The following ST6GALNAC3 variants were observed in gnomAD, a reference collection of about 807,000 sequenced individuals.
The protein encoded by ST6GALNAC3 is alpha-N-acetylgalactosaminide alpha-2,6-sialyltransferase 3.
ST6GALNAC3 carries 25 observed loss-of-function variants against 32.7 expected under a neutral mutation model. The ratio of observed to expected loss-of-function variants is 0.76; its 90% CI spans 0.56 to 1.07. The LOEUF (loss-of-function observed/expected upper bound fraction) is 1.07. ST6GALNAC3 is among the 50% of genes least tolerant of loss of function. ST6GALNAC3 has a pLI of 0.00. For synonymous variants in ST6GALNAC3, 129 were observed against 133.1 expected, an observed-to-expected ratio of 0.97 and a Z score of 0.21; for missense variants, 355 against 382.4, an observed-to-expected ratio of 0.93 and a Z score of 0.60.
In ST6GALNAC3 at chr1:76,316,470, A is replaced by T. The variant is rs148201915; in HGVS notation, c.213+2471A>T. Among the ~76,000 whole-genome samples, 285 of 152,246 alleles carry T rather than the reference A, an allele frequency of 1.9e-3. 5 individuals are homozygous for T. Among genetic ancestry groups the T allele is most frequent in the Non-Finnish European group, 9.0e-4 (61 of 68,016 alleles). On this transcript the variant is annotated intron_variant, in intron 2 of 4. Coordinates refer to ENST00000328299, the MANE Select transcript of ST6GALNAC3 (RefSeq NM_152996.4). ...ATGGCGATGAAGAAACTGCAAGTAT[A>T]TGTGACCACATGGAAGATAAAGCAA...
intron 3 of ST6GALNAC3, among the ~76,000 whole-genome samples, chr1:76,567,829 G>A (rs935764535): frequency 2.6e-5 from 4 of 152,156 alleles, no homozygotes; most frequent in African/African-American, 9.7e-5. Context: ...GATAAGGGAG[G>A]ACCTGTCTTC....
intron 1 of ST6GALNAC3, among the ~76,000 whole-genome samples, chr1:76,246,995 G>A (rs921347632): frequency 6.6e-6 from 1 of 151,990 alleles, no homozygotes; most frequent in Non-Finnish European, 1.5e-5. Flanking sequence ...TTTGTGTGGG[G>A]GTCTTTTTTG....
At chr1:76,083,938 C>G (rs1890968) in intron 1 of ST6GALNAC3, among the ~76,000 whole-genome samples, 15,445 of 152,056 alleles carry the variant, frequency 0.1, 1,703 homozygotes, top group African/African-American at 0.28. Context: ...TGTGCTTAGA[C>G]CTTTTCCAGT....
chr1:76,524,644 G>C (rs1371411027), intron 3 of ST6GALNAC3, among the ~76,000 whole-genome samples: 1 of 151,512 alleles, frequency 6.6e-6, no homozygotes, highest in African/African-American at 2.4e-5. Flanking sequence ...TCTTTCACAT[G>C]ATGAATAGTA....
At chr1:76,619,465 T>C (rs946893398) in intron 3 of ST6GALNAC3, among the ~76,000 whole-genome samples, 2 of 152,136 alleles carry the variant, frequency 1.3e-5, no homozygotes, top group African/African-American at 4.8e-5. Context: ...TTTATCATCA[T>C]ACATTTTTAA....
At chr1:76,568,788 G>A (rs575140227) in intron 3 of ST6GALNAC3, among the ~76,000 whole-genome samples, 128 of 152,260 alleles carry the variant, frequency 8.4e-4, no homozygotes, top group Non-Finnish European at 1.5e-3. Flanking sequence ...ATGTATCAAA[G>A]CAAAGTCATC....
chr1:76,367,467 A>C (rs1650466103), intron 2 of ST6GALNAC3, among the ~76,000 whole-genome samples: 2 of 152,144 alleles, frequency 1.3e-5, no homozygotes, highest in African/African-American at 4.8e-5. Flanking sequence ...AAGAACAATG[A>C]ATGATAAGTT....
chr1:76,247,389 G>A (rs1310773903), intron 1 of ST6GALNAC3, among the ~76,000 whole-genome samples: 1 of 152,280 alleles, frequency 6.6e-6, no homozygotes, highest in African/African-American at 2.4e-5. Context: ...GCAGGCAGGA[G>A]AGATTAAGTC....
intron 2 of ST6GALNAC3, among the ~76,000 whole-genome samples, chr1:76,353,320 C>T (rs1039588568): frequency 6.6e-6 from 1 of 152,200 alleles, no homozygotes; most frequent in Non-Finnish European, 1.5e-5. Flanking sequence ...TGAGCAGTCT[C>T]AGCTCAGTTG....
chr1:76,463,261 C>G (rs1658405855), intron 3 of ST6GALNAC3, among the ~76,000 whole-genome samples: 1 of 152,116 alleles, frequency 6.6e-6, no homozygotes, highest in Non-Finnish European at 1.5e-5. Flanking sequence ...AGTCCCGCTG[C>G]TTTAGGTAAA....
At chr1:76,438,711 T>C (rs1470376025) in intron 3 of ST6GALNAC3, among the ~76,000 whole-genome samples, 1 of 152,164 alleles carries the variant, frequency 6.6e-6, no homozygotes, top group East Asian at 1.9e-4. Flanking sequence ...ACCTCCTCAG[T>C]ACCTCTCCTC....
At chr1:76,468,681 G>T (rs1351588637) in intron 3 of ST6GALNAC3, among the ~76,000 whole-genome samples, 1 of 149,582 alleles carries the variant, frequency 6.7e-6, no homozygotes, top group Non-Finnish European at 1.5e-5. Context: ...AATACTTGAG[G>T]ATCTACACTC....
intron 3 of ST6GALNAC3, among the ~76,000 whole-genome samples, chr1:76,617,409 A>G (rs988646973): frequency 3.9e-5 from 6 of 152,114 alleles, no homozygotes; most frequent in African/African-American, 1.2e-4. Flanking sequence ...AATGGCTGAT[A>G]GGTGAACTAA....
intron 3 of ST6GALNAC3, among the ~76,000 whole-genome samples, chr1:76,586,036 G>A (rs537765538): frequency 6.6e-6 from 1 of 152,248 alleles, no homozygotes; most frequent in African/African-American, 2.4e-5. Flanking sequence ...GAGGCCACGG[G>A]CTCATTTCAA....
At chr1:76,244,810 A>G (rs754585847) in intron 1 of ST6GALNAC3, among the ~76,000 whole-genome samples, 2 of 152,132 alleles carry the variant, frequency 1.3e-5, no homozygotes, top group Non-Finnish European at 2.9e-5. Flanking sequence ...ATCACGGTGG[A>G]TAAGTTTTTT....
At chr1:76,211,122 G>A (rs568305078) in intron 1 of ST6GALNAC3, among the ~76,000 whole-genome samples, 42 of 152,216 alleles carry the variant, frequency 2.8e-4, no homozygotes, top group African/African-American at 8.4e-4. Context: ...CCCTATCTCC[G>A]AAGGATATGA....
intron 1 of ST6GALNAC3, among the ~76,000 whole-genome samples, chr1:76,224,708 G>A (rs961270105): frequency 1.3e-5 from 2 of 152,110 alleles, no homozygotes; most frequent in Non-Finnish European, 2.9e-5. Flanking sequence ...AAGAGACAAG[G>A]GGCCTAGGTG....
intron 2 of ST6GALNAC3, among the ~76,000 whole-genome samples, chr1:76,404,936 T>C (rs1301711872): frequency 6.6e-6 from 1 of 152,144 alleles, no homozygotes; most frequent in Non-Finnish European, 1.5e-5. Context: ...TGAAATGATT[T>C]TCATTTAGAA....
At chr1:76,138,965 C>T (rs1015998272) in intron 1 of ST6GALNAC3, among the ~76,000 whole-genome samples, 5 of 152,060 alleles carry the variant, frequency 3.3e-5, no homozygotes, top group African/African-American at 9.7e-5. Flanking sequence ...GAGGCCGAGG[C>T]GGGCGGATTA....
Sources: allele counts gnomAD v4.1 joint callset (sites outside exome capture counted in the v4.1 genomes callset), GRCh38; gene constraint gnomAD v4.1.1; transcripts MANE v1.5; gene names NCBI Gene and HGNC (gene_info 2026-07-23, HGNC 2026-07-21).